TCF12: variants seen among roughly 807,000 people sequenced by gnomAD.
The protein encoded by TCF12 is transcription factor 12.
In TCF12, 45 loss-of-function variants were observed where a neutral mutation model predicts 86.0. The ratio of observed to expected loss-of-function variants is 0.52; its 90% confidence interval spans 0.41 to 0.67. The LOEUF is 0.67. Ranked by LOEUF, TCF12 falls within the 30% of genes least tolerant of loss-of-function variation. The probability of loss-of-function intolerance (pLI) is 0.00; values close to 1 mark genes in which losing one functional copy is unlikely to be tolerated. For missense variants in TCF12, 881 were observed against 859.9 expected (o/e 1.02, Z -0.31); for synonymous variants, 330 against 299.6 (o/e 1.10, Z -1.05).
intron 12 of TCF12, among the ~76,000 whole-genome samples, chr15:57,239,091 G>A (rs796075468): frequency 7.2e-5 from 11 of 152,268 alleles, no homozygotes; most frequent in African/African-American, 2.2e-4. Context: ...GCAACACCAC[G>A]CCTGTAATCC....
chr15:57,286,068 T>G (rs1322319285), intron 20 of TCF12, 89 bp from the exon 21 acceptor site: 1 of 152,732 alleles, frequency 6.5e-6, no homozygotes, highest in East Asian at 1.9e-4. Context: ...TACCAGCATT[T>G]TTTTGTTGGT....
intron 6 of TCF12, among the ~76,000 whole-genome samples, chr15:57,189,265 T>C (rs1216364681): frequency 6.6e-6 from 1 of 152,182 alleles, no homozygotes; most frequent in Non-Finnish European, 1.5e-5. Context: ...AATTGAAAAC[T>C]TCTGTACATC....
At chr15:57,097,213 C>T (rs866915263) in intron 5 of TCF12, among the ~76,000 whole-genome samples, 5 of 152,106 alleles carry the variant, frequency 3.3e-5, no homozygotes, top group Non-Finnish European at 7.4e-5. Flanking sequence ...CATTTTCAGA[C>T]TATCAAAGGG....
At chr15:57,219,414 T>C in intron 8 of TCF12, 1 of 1,401,004 alleles carries the variant, frequency 7.1e-7, no homozygotes, top group Non-Finnish European at 9.5e-7. Flanking sequence ...AGTAGATCCA[T>C]GTGTGAATGC....
intron 13 of TCF12, among the ~76,000 whole-genome samples, chr15:57,250,851 G>C (rs569662192): frequency 6.7e-6 from 1 of 149,388 alleles, no homozygotes; most frequent in Non-Finnish European, 1.5e-5. Flanking sequence ...AGCCAAGATC[G>C]TGCCACTGCG....
intron 3 of TCF12, among the ~76,000 whole-genome samples, chr15:56,952,125 A>G (rs1320445057): frequency 6.6e-6 from 1 of 152,058 alleles, no homozygotes; most frequent in Non-Finnish European, 1.5e-5. Context: ...TCTCAAGTGA[A>G]TTCCTTTGCA....
At chr15:57,110,000 A>G (rs758796567) in intron 5 of TCF12, among the ~76,000 whole-genome samples, 10 of 152,208 alleles carry the variant, frequency 6.6e-5, no homozygotes, top group Non-Finnish European at 1.3e-4. Flanking sequence ...CTAATGAGAA[A>G]GTGTGTAGAT....
intron 3 of TCF12, among the ~76,000 whole-genome samples, chr15:57,022,714 T>A (rs1782158954): frequency 6.6e-6 from 1 of 152,186 alleles, no homozygotes; most frequent in Non-Finnish European, 1.5e-5. Context: ...TTTCTCCACA[T>A]CCTCTCCAGC....
chr15:57,055,091 T>C (rs2067907280), intron 3 of TCF12, among the ~76,000 whole-genome samples: 1 of 152,062 alleles, frequency 6.6e-6, no homozygotes, highest in African/African-American at 2.4e-5. Context: ...ATGCAGGTCT[T>C]CCTCTGATAA....
At chr15:57,182,739 A>G (rs1400793791) in intron 6 of TCF12, among the ~76,000 whole-genome samples, 7 of 152,172 alleles carry the variant, frequency 4.6e-5, no homozygotes, top group Admixed American at 2.6e-4. Context: ...AGGTTTATCA[A>G]CACTAAAACT....
intron 12 of TCF12, among the ~76,000 whole-genome samples, chr15:57,240,896 A>AAAAG: frequency 6.6e-6 from 1 of 151,068 alleles, no homozygotes; most frequent in Admixed American, 6.6e-5. Context: ...AAAAAAAAAA[A>AAAAG]AAAAAGAAAG....
At chr15:57,192,336 G>GT (rs1312747927) in intron 7 of TCF12, 43 bp downstream of exon 7, 2 of 1,579,486 alleles carry the variant, frequency 1.3e-6, no homozygotes, top group Non-Finnish European at 1.7e-6. Context: ...ATATGTTGTT[G>GT]TTGTTTTTTC....
intron 4 of TCF12, among the ~76,000 whole-genome samples, chr15:57,069,354 A>T (rs570712087): frequency 6.6e-6 from 1 of 152,138 alleles, no homozygotes; most frequent in African/African-American, 2.4e-5. Flanking sequence ...TTATTTTTTT[A>T]AAAAAGAAGC....
intron 3 of TCF12, among the ~76,000 whole-genome samples, chr15:56,928,259 AT>A (rs548436331): frequency 6.6e-6 from 1 of 151,976 alleles, no homozygotes; most frequent in African/African-American, 2.4e-5. Flanking sequence ...TTATCTATAT[AT>A]TTTTTTCCTA....
chr15:57,057,762 C>G (rs916168161), intron 3 of TCF12, among the ~76,000 whole-genome samples: 1 of 151,994 alleles, frequency 6.6e-6, no homozygotes, highest in Non-Finnish European at 1.5e-5. Context: ...AAAGGTTGCT[C>G]TAGTAGGAGG....
intron 8 of TCF12, chr15:57,214,096 G>C (rs1051873895): frequency 6.6e-6 from 1 of 152,210 alleles, no homozygotes. Flanking sequence ...TGCAATTCAC[G>C]TAGGGAAGGA....
intron 4 of TCF12, among the ~76,000 whole-genome samples, chr15:57,071,149 G>A (rs1313514443): frequency 1.3e-5 from 2 of 151,914 alleles, no homozygotes; most frequent in Non-Finnish European, 2.9e-5. Context: ...GCTCACACCT[G>A]TAAACCCAGT....
intron 3 of TCF12, among the ~76,000 whole-genome samples, chr15:57,060,929 A>G (rs1450115804): frequency 6.6e-6 from 1 of 152,210 alleles, no homozygotes; most frequent in Non-Finnish European, 1.5e-5. Flanking sequence ...ATTCTAAAAG[A>G]TGACTCTTGC....
rs1168697375 is a variant in TCF12, at chr15:57,234,126, C to T, written c.1035+19C>T. 1.2e-6 allele frequency: 2 copies of T among 1,601,792 alleles called. No individual in the cohort carries two copies. ...GGCATCTGTGAGTATTGATTTTACA[C>T]ATTCTACTGAATGAATTTTACACTA... On this transcript the variant is annotated intron_variant, in intron 12 of 20. Coordinates refer to ENST00000333725, the MANE Select transcript of TCF12 (RefSeq NM_207037.2).
Sources: gnomAD v4.1 joint callset for allele counts (sites outside exome capture counted in the v4.1 genomes callset) on GRCh38, gnomAD v4.1.1 for gene constraint, MANE v1.5 for transcripts, NCBI Gene and HGNC (gene_info 2026-07-23, HGNC 2026-07-21) for gene names.